NTAN1: variants seen among roughly 807,000 people sequenced by gnomAD.
NTAN1 encodes N-terminal asparagine amidase.
In NTAN1, 32 loss-of-function variants were observed where a neutral mutation model predicts 41.9. The observed-to-expected ratio is 0.76, with a 90% confidence interval of 0.58 to 1.03. NTAN1 has a LOEUF of 1.03. Ranked by LOEUF, NTAN1 falls within the 50% of genes least tolerant of loss-of-function variation. The pLI is 0.00. For missense variants in NTAN1, 377 were observed against 377.5 expected (o/e 1.00, Z 0.01); for synonymous variants, 140 against 139.5 (o/e 1.00, Z -0.03).
chr16:15,051,498 C>T (rs563510883), intron 1 of NTAN1, among the ~76,000 whole-genome samples: 8 of 151,224 alleles, frequency 5.3e-5, no homozygotes, highest in Admixed American at 4.6e-4. Flanking sequence ...AGGCATGAGC[C>T]GACACACCTG....
intron 5 of NTAN1, among the ~76,000 whole-genome samples, chr16:15,043,377 C>G (rs2043911914): frequency 6.6e-6 from 1 of 152,198 alleles, no homozygotes; most frequent in South Asian, 2.1e-4. Flanking sequence ...GACCCTGTCT[C>G]CACAAAAAAT....
intron 4 of NTAN1, among the ~76,000 whole-genome samples, chr16:15,046,395 T>G (rs934112511): frequency 1.3e-5 from 2 of 152,088 alleles, no homozygotes; most frequent in African/African-American, 4.8e-5. Context: ...AGGGGACAGG[T>G]GTGTGAACAG....
At chr16:15,039,700 A>T (rs761119442) in intron 8 of NTAN1, among the ~76,000 whole-genome samples, 6 of 152,142 alleles carry the variant, frequency 3.9e-5, no homozygotes, top group Non-Finnish European at 5.9e-5. Context: ...AAGTAACAGA[A>T]GTTTGTTCTC....
intron 7 of NTAN1, among the ~76,000 whole-genome samples, chr16:15,040,808 T>C (rs1344396742): frequency 6.6e-6 from 1 of 152,036 alleles, no homozygotes; most frequent in Non-Finnish European, 1.5e-5. Flanking sequence ...CTGGGAAGGG[T>C]GGGCATGGCC....
In NTAN1 at chr16:15,047,489, C is replaced by T. The variant is rs763952702; in HGVS notation, c.312G>A (p.Leu104=). Residue 104 remains leucine (L), a synonymous_variant, in exon 4 of 10, where the codon TTG becomes TTA. Coordinates refer to ENST00000287706, the MANE Select transcript of NTAN1 (RefSeq NM_173474.4). The part of the protein sequence containing the change: ...DGTDTKAEVP[L]IMNSIKSFSD... Reference sequence around the variant, plus strand: ...AAAAGGATTTTATGGAGTTCATGATCAAGGGGACCTCAGCTTTGGTGTCGG... The same window carrying T: ...AAAAGGATTTTATGGAGTTCATGATTAAGGGGACCTCAGCTTTGGTGTCGG... 6.2e-7 allele frequency: 1 copy of T among 1,614,036 alleles called. No individual in the cohort carries two copies.
Position 15,038,051 on chromosome 16 carries a change from T to C in NTAN1, c.913A>G (p.Ile305Val). The C allele has an allele frequency of 6.2e-7, 1 of 1,612,582 alleles. No homozygotes were observed. The highest frequency in any genetic ancestry group is 1.3e-5 in the African/African-American group (1 of 74,960). The change falls in exon 10 of 10, where the codon ATC (isoleucine) becomes GTC (valine). Residue 305 changes from isoleucine to valine, a missense_variant. Ile to Val is a conservative substitution (Grantham distance 29). Transcript: ENST00000287706. ...GTTTTTTAACTTCCTGGAGAAGAGA[T>C]CTTTTCCCACAAGCCATCTTCATTT... ...KKNEDGLWEK[I>V]SSPGS
chr16:15,040,165 G>A (rs2043747578), intron 7 of NTAN1, 99 bp from the exon 8 acceptor site: 2 of 659,026 alleles, frequency 3.0e-6, no homozygotes, highest in Non-Finnish European at 5.3e-6. Context: ...AGAAAGATAG[G>A]AAAGTGAACA....
At chr16:15,047,592 C>T (rs368295087) in intron 3 of NTAN1, 42 bp from the exon 4 acceptor site, 37 of 1,387,796 alleles carry the variant, frequency 2.7e-5, no homozygotes, top group Non-Finnish European at 3.6e-5. Flanking sequence ...TTCCCTGATG[C>T]GAGTGCAGTG....
intron 8 of NTAN1, among the ~76,000 whole-genome samples, chr16:15,039,751 C>G (rs948883016): frequency 6.6e-5 from 10 of 152,110 alleles, no homozygotes; most frequent in African/African-American, 2.4e-4. Context: ...CCTCCCACAC[C>G]TTTTAGGCAG....
intron 1 of NTAN1, among the ~76,000 whole-genome samples, chr16:15,054,253 A>G (rs1597825078): frequency 6.6e-6 from 1 of 152,284 alleles, no homozygotes; most frequent in Non-Finnish European, 1.5e-5. Context: ...GCCCCCTTCC[A>G]AAGTTCCTGT....
chr16:15,047,653 C>G, intron 3 of NTAN1, 103 bp from the exon 4 acceptor site: 1 of 981,210 alleles, frequency 1.0e-6, no homozygotes, highest in Non-Finnish European at 1.6e-6. Flanking sequence ...CTTTGAATAT[C>G]CTGTAGGGGA....
intron 8 of NTAN1, among the ~76,000 whole-genome samples, chr16:15,039,202 A>G (rs1239664160): frequency 6.6e-6 from 1 of 152,238 alleles, no homozygotes; most frequent in East Asian, 1.9e-4. Context: ...CTTACCTAGC[A>G]ATATTCACTT....
intron 7 of NTAN1, chr16:15,040,414 G>T: frequency 4.0e-6 from 1 of 250,346 alleles, no homozygotes; most frequent in Admixed American, 5.3e-5. Context: ...TGATCGTTCT[G>T]TTTGAATCTT....
chr16:15,050,469 C>T (rs1567770753), intron 1 of NTAN1, among the ~76,000 whole-genome samples: 1 of 152,072 alleles, frequency 6.6e-6, no homozygotes, highest in Non-Finnish European at 1.5e-5. Flanking sequence ...GTGATGGCTC[C>T]CAACTGTAAT....
intron 8 of NTAN1, 63 bp from the exon 9 acceptor site, chr16:15,038,750 G>GT: frequency 1.2e-6 from 1 of 856,836 alleles, no homozygotes; most frequent in East Asian, 2.4e-5. Flanking sequence ...AACCCTCCCA[G>GT]TAACGCAAGC....
At chr16:15,041,943 T>A (rs2043834980) in intron 5 of NTAN1, among the ~76,000 whole-genome samples, 1 of 152,234 alleles carries the variant, frequency 6.6e-6, no homozygotes, top group South Asian at 2.1e-4. Flanking sequence ...CTCTTCATTC[T>A]GAGAGTTTTG....
intron 1 of NTAN1, among the ~76,000 whole-genome samples, chr16:15,051,046 T>C (rs1375737643): frequency 1.4e-4 from 21 of 152,238 alleles, no homozygotes. Context: ...TGCCTCATCT[T>C]AGTTCAGAAT....
chr16:15,051,045 T>C (rs145171923), intron 1 of NTAN1, among the ~76,000 whole-genome samples: 1 of 152,346 alleles, frequency 6.6e-6, no homozygotes, highest in Non-Finnish European at 1.5e-5. Context: ...TTGCCTCATC[T>C]TAGTTCAGAA....
intron 5 of NTAN1, among the ~76,000 whole-genome samples, chr16:15,042,066 A>G (rs752749436): frequency 4.6e-5 from 7 of 152,246 alleles, no homozygotes; most frequent in Non-Finnish European, 7.3e-5. Context: ...TGAAAAATAC[A>G]AGAGAACATA....
Sources: gnomAD v4.1 joint callset for allele counts (sites outside exome capture counted in the v4.1 genomes callset) on GRCh38, gnomAD v4.1.1 for gene constraint, MANE v1.5 for transcripts, NCBI Gene and HGNC (gene_info 2026-07-23, HGNC 2026-07-21) for gene names.